The following TNFRSF10B variants were observed in gnomAD, a reference collection of about 807,000 sequenced individuals.
TNFRSF10B encodes the protein TNF receptor superfamily member 10b.
A neutral mutation model predicts 41.4 loss-of-function variants in TNFRSF10B; 35 were observed. That is an observed-to-expected ratio of 0.85 (90% confidence interval 0.65 to 1.12). The LOEUF (loss-of-function observed/expected upper bound fraction) is 1.12. Among genes scored for constraint, TNFRSF10B ranks in the 50% most tolerant of loss-of-function variants. TNFRSF10B has a pLI of 0.00. For synonymous variants in TNFRSF10B, 230 were observed against 215.5 expected (o/e 1.07, Z -0.59); for missense variants, 584 against 552.7 (o/e 1.06, Z -0.57).
At position 23,022,813 on chromosome 8, in the gene TNFRSF10B, C is replaced by A. The variant is rs1176091235; in HGVS notation, c.1181G>T (p.Gly394Val). 2.5e-6 allele frequency: 4 copies of A among 1,613,938 alleles called. No individual in the cohort carries two copies. Residue 394 changes from glycine to valine, a missense_variant, in exon 9 of 9, where the codon GGG becomes GTG. By Grantham distance (109) the Gly-to-Val change is moderately radical. Transcript: ENST00000276431. Reference sequence around the variant, plus strand: ...CAGGGTGTGGACAGAGGCATCTCGCCCGGTTTTGTTGACCCACTTTATCAG... The same window carrying A: ...CAGGGTGTGGACAGAGGCATCTCGCACGGTTTTGTTGACCCACTTTATCAG... ...TMLIKWVNKT[G>V]RDASVHTLLD...
intron 1 of TNFRSF10B, among the ~76,000 whole-genome samples, chr8:23,054,081 G>A (rs1812596532): frequency 6.6e-6 from 1 of 152,048 alleles, no homozygotes; most frequent in Non-Finnish European, 1.5e-5. Flanking sequence ...GTCTTGTTTT[G>A]GTCCTCTTTA....
In TNFRSF10B at chr8:23,023,133, CCA is replaced by C. The variant is rs1476961959; in HGVS notation, c.1010-151_1010-150del. 3.9e-6 allele frequency: 4 copies of C among 1,024,568 alleles called. No homozygotes were observed. In the African/African-American group the frequency reaches 6.4e-5, roughly 16 times the overall value. 63.5% of individuals were successfully genotyped at this position (1,024,568 alleles called of 1,614,324 possible). On this transcript the variant is annotated intron_variant, in intron 8 of 8. Coordinates refer to ENST00000276431, the MANE Select transcript of TNFRSF10B (RefSeq NM_003842.5). ...GCTCCAGTGCCCACCCGCTTCCCATCCACAGAGAGCGCGCCCACACTGCCTGG... is the reference window on the plus strand; with the variant it reads ...GCTCCAGTGCCCACCCGCTTCCCATCCAGAGAGCGCGCCCACACTGCCTGG...
chr8:23,065,293 C>A (rs991821426), intron 1 of TNFRSF10B, among the ~76,000 whole-genome samples: 4 of 152,242 alleles, frequency 2.6e-5, no homozygotes, highest in Non-Finnish European at 4.4e-5. Context: ...TAAGGACAGC[C>A]TCCAGCTACA....
At chr8:23,059,680 TG>T (rs201528588) in intron 1 of TNFRSF10B, among the ~76,000 whole-genome samples, 34,984 of 141,916 alleles carry the variant, frequency 0.25, 4,650 homozygotes, top group East Asian at 0.51. Context: ...CTAATTTTTT[TG>T]TATTTTTTTT....
intron 1 of TNFRSF10B, among the ~76,000 whole-genome samples, chr8:23,066,514 C>T (rs537433325): frequency 1.3e-5 from 2 of 152,248 alleles, no homozygotes; most frequent in Non-Finnish European, 2.9e-5. Flanking sequence ...TAAGTTAGCT[C>T]TGATACAAAA....
chr8:23,035,423 C>T (rs1282575761), intron 2 of TNFRSF10B, among the ~76,000 whole-genome samples: 8 of 152,134 alleles, frequency 5.3e-5, no homozygotes, highest in South Asian at 4.1e-4. Flanking sequence ...ATTACAGGCG[C>T]GAGCCACCAC....
intron 1 of TNFRSF10B, among the ~76,000 whole-genome samples, chr8:23,057,614 G>T (rs1361455044): frequency 6.6e-6 from 1 of 151,534 alleles, no homozygotes; most frequent in African/African-American, 2.4e-5. Flanking sequence ...TGTATTTTTA[G>T]TAGAGACAAG....
At chr8:23,052,038 T>C (rs910245685) in intron 1 of TNFRSF10B, among the ~76,000 whole-genome samples, 8 of 152,172 alleles carry the variant, frequency 5.3e-5, no homozygotes, top group Non-Finnish European at 1.0e-4. Context: ...GTCTCGGTCA[T>C]AATTTTGCAA....
intron 2 of TNFRSF10B, among the ~76,000 whole-genome samples, chr8:23,035,764 G>C (rs554048870): frequency 2.3e-4 from 35 of 152,242 alleles, no homozygotes; most frequent in African/African-American, 8.2e-4. Context: ...CTACAACCAA[G>C]AAAATGACAC....
intron 2 of TNFRSF10B, among the ~76,000 whole-genome samples, chr8:23,037,229 C>T (rs1812053565): frequency 6.6e-6 from 1 of 152,152 alleles, no homozygotes; most frequent in Non-Finnish European, 1.5e-5. Context: ...ACAAAGTGTG[C>T]ATGGTGGCAG....
chr8:23,051,745 A>G (rs991328679), intron 1 of TNFRSF10B, among the ~76,000 whole-genome samples: 1 of 151,984 alleles, frequency 6.6e-6, no homozygotes, highest in African/African-American at 2.4e-5. Context: ...GGGTTTCATC[A>G]TGTTAGCCAG....
chr8:23,031,440 C>A (rs1242814540), intron 2 of TNFRSF10B, among the ~76,000 whole-genome samples: 1 of 151,972 alleles, frequency 6.6e-6, no homozygotes, highest in Non-Finnish European at 1.5e-5. Context: ...ATAGCCCAGG[C>A]TGGAGTGCAG....
rs182824372 is a variant in TNFRSF10B, at chr8:23,036,584, C to T, written c.251-5712G>A. 1.1e-3 allele frequency among the ~76,000 whole-genome samples: 168 copies of T among 152,358 alleles called. 2 individuals carry two copies. Among genetic ancestry groups the T allele is most frequent in the African/African-American group, 3.6e-3 (150 of 41,584 alleles). ...GCTAGGCCGGGTGTGGTGGCTCACA[C>T]CTGTAATCCCAGCACTTTGGGAGGC... On this transcript the variant is annotated intron_variant, in intron 2 of 8. Coordinates refer to ENST00000276431, the MANE Select transcript of TNFRSF10B (RefSeq NM_003842.5).
At chr8:23,046,962 G>GA (rs1253914952) in intron 1 of TNFRSF10B, among the ~76,000 whole-genome samples, 1 of 152,110 alleles carries the variant, frequency 6.6e-6, no homozygotes, top group Non-Finnish European at 1.5e-5. Flanking sequence ...ACTCAAAATG[G>GA]ATTAAAGACT....
At chr8:23,050,508 T>G (rs988331625) in intron 1 of TNFRSF10B, among the ~76,000 whole-genome samples, 1 of 152,104 alleles carries the variant, frequency 6.6e-6, no homozygotes, top group African/African-American at 2.4e-5. Context: ...GGCCTTCGTG[T>G]TTTTGGTTTT....
chr8:23,024,779 C>T (rs1288988857), intron 7 of TNFRSF10B, among the ~76,000 whole-genome samples: 3 of 152,036 alleles, frequency 2.0e-5, no homozygotes, highest in Admixed American at 6.5e-5. Context: ...ATGATCCATC[C>T]GCCTCGGCCT....
At chr8:23,028,788 C>T (rs1393614193) in intron 4 of TNFRSF10B, among the ~76,000 whole-genome samples, 186 bp from the exon 5 acceptor site, 1 of 152,224 alleles carries the variant, frequency 6.6e-6, no homozygotes, top group African/African-American at 2.4e-5. Context: ...TGAGCATGCG[C>T]ACTTCAGCCC....
intron 5 of TNFRSF10B, 186 bp from the exon 6 acceptor site, chr8:23,027,939 A>G (rs187254286): frequency 1.5e-5 from 10 of 677,372 alleles, no homozygotes; most frequent in Admixed American, 2.7e-5. Context: ...AAGGGGAACT[A>G]GAGTAAAAAC....
At chr8:23,067,055 T>G (rs1050659959) in intron 1 of TNFRSF10B, among the ~76,000 whole-genome samples, 4 of 151,622 alleles carry the variant, frequency 2.6e-5, no homozygotes, top group African/African-American at 9.7e-5. Flanking sequence ...CTCTGCTCAC[T>G]GCAACTTCTG....
Sources: allele counts gnomAD v4.1 joint callset (sites outside exome capture counted in the v4.1 genomes callset), GRCh38; gene constraint gnomAD v4.1.1; transcripts MANE v1.5; gene names NCBI Gene and HGNC (gene_info 2026-07-23, HGNC 2026-07-21).